ADAM22: variants seen among roughly 807,000 people sequenced by gnomAD.
ADAM22 encodes disintegrin and metalloproteinase domain-containing protein 22.
Under a neutral mutation model 144.6 loss-of-function variants are expected in ADAM22, and 65 were observed. That is an observed-to-expected ratio of 0.45 (90% CI 0.37 to 0.55). ADAM22 has a LOEUF of 0.55. Ranked by LOEUF, ADAM22 falls within the 20% of genes least tolerant of loss-of-function variation. ADAM22 has a pLI of 0.00. For synonymous variants in ADAM22, 391 were observed against 412.6 expected (o/e 0.95, Z 0.63); for missense variants, 974 against 1,184.9 (o/e 0.82, Z 2.61).
In ADAM22 at chr7:88,128,672, T is replaced by G; in HGVS notation, c.749T>G (p.Leu250Arg). The change falls in exon 9 of 32, where the codon CTT becomes CGT. Residue 250 changes from leucine to arginine, a missense_variant. This residue lies in a region of ADAM22 where 734 missense variants were observed against 950.6 expected (regional missense o/e 0.77). Transcript: ENST00000413139. ...GAACTGATGATTGTGAATGATCACC[T>G]TATGGTAGGATTTGCTGTTGTTTTT... Reference protein sequence around the residue: ...YIELMIVNDHLMFKKHRLSVV... With the variant: ...YIELMIVNDHRMFKKHRLSVV... 9 of 1,610,882 alleles carry G rather than the reference T, an allele frequency of 5.6e-6. No homozygotes were observed. Among genetic ancestry groups the G allele is most frequent in the Non-Finnish European group, 7.6e-6 (9 of 1,177,670 alleles).
chr7:88,006,551 C>T (rs1386761333), intron 3 of ADAM22, among the ~76,000 whole-genome samples: 1 of 151,448 alleles, frequency 6.6e-6, no homozygotes, highest in Non-Finnish European at 1.5e-5. Context: ...AGCTTATCCA[C>T]CATGATCAAG....
chr7:88,168,584 T>C (rs912141143), intron 25 of ADAM22, among the ~76,000 whole-genome samples: 3 of 152,172 alleles, frequency 2.0e-5, no homozygotes, highest in Non-Finnish European at 4.4e-5. Context: ...TGTAAACTTA[T>C]TTATCTATCT....
At chr7:87,938,518 C>T (rs970532646) in intron 2 of ADAM22, among the ~76,000 whole-genome samples, 1 of 152,002 alleles carries the variant, frequency 6.6e-6, no homozygotes, top group African/African-American at 2.4e-5. Flanking sequence ...CATGCCTGGC[C>T]ACCCATAGAT....
At chr7:88,175,497 G>A (rs1467037385) in intron 26 of ADAM22, among the ~76,000 whole-genome samples, 1 of 152,092 alleles carries the variant, frequency 6.6e-6, no homozygotes, top group Admixed American at 6.5e-5. Flanking sequence ...AAGACAACAT[G>A]TAATTAATGT....
At chr7:87,959,875 T>C (rs1026454505) in intron 2 of ADAM22, among the ~76,000 whole-genome samples, 1 of 152,232 alleles carries the variant, frequency 6.6e-6, no homozygotes, top group Admixed American at 6.5e-5. Context: ...TTCACTCTTT[T>C]AGAATATACA....
chr7:87,957,023 C>T (rs1846950466), intron 2 of ADAM22, among the ~76,000 whole-genome samples: 1 of 152,184 alleles, frequency 6.6e-6, no homozygotes, highest in Non-Finnish European at 1.5e-5. Context: ...CTATGGTGCA[C>T]TCAAGTGATT....
In ADAM22 at chr7:88,181,566, A is replaced by T. The variant is rs575335162; in HGVS notation, c.2557A>T (p.Ile853Phe). Reference sequence around the variant, plus strand: ...TCCAGACACAAAACATATTTCAGACATCTGTGAAAATGGGCGACCTCGAAG... The same window carrying T: ...TCCAGACACAAAACATATTTCAGACTTCTGTGAAAATGGGCGACCTCGAAG... ...RIPDTKHISD[I>F]CENGRPRSNS... Residue 853 changes from isoleucine (I) to phenylalanine (F), a missense_variant, in exon 28 of 32, where the codon ATC becomes TTC. Ile to Phe is a conservative substitution (Grantham distance 21). This residue lies in a region of ADAM22 where 734 missense variants were observed against 950.6 expected (regional missense o/e 0.77). Coordinates refer to ENST00000413139, the MANE Select transcript of ADAM22 (RefSeq NM_001324418.2). The T allele has an allele frequency of 3.7e-6, 6 of 1,613,876 alleles. No homozygotes were observed. In the East Asian group the frequency reaches 1.1e-4, roughly 30 times the overall value.
Position 88,135,979 on chromosome 7 carries a change from G to A in ADAM22, c.1169-1G>A. The A allele has an allele frequency of 6.2e-7, 1 of 1,609,192 alleles. No homozygotes were observed. Among genetic ancestry groups the A allele is most frequent in the Non-Finnish European group, 8.5e-7 (1 of 1,177,534 alleles). The stretch of plus-strand genomic sequence containing the variant: ...AGGCATGTGTATTAATTTTCTCTTA[G>A]GTGAATGTAAATGCGAGGACACGTG... On this transcript the variant is annotated splice_acceptor_variant, in intron 13 of 31. Transcript: ENST00000413139. LOFTEE classifies it high-confidence loss of function.
At chr7:88,092,717 A>G (rs1444854475) in intron 4 of ADAM22, among the ~76,000 whole-genome samples, 1 of 152,244 alleles carries the variant, frequency 6.6e-6, no homozygotes, top group East Asian at 1.9e-4. Flanking sequence ...TAGGTCCATC[A>G]TCATGTATAA....
rs186242467 is a variant in ADAM22 at position 88,038,704 on chromosome 7, C to T, written c.324-36922C>T. On this transcript the variant is annotated intron_variant, in intron 3 of 31. Transcript: ENST00000413139. ...TCCTGACCTCGTGATCCGCCCGTCT[C>T]GGCCTCCCAAAGTGCTGGGATTACA... is the stretch of plus-strand genomic sequence containing the variant. Among the ~76,000 whole-genome samples the T allele has an allele frequency of 2.3e-3, 342 of 151,828 alleles. 1 individual carries two copies. The highest frequency in any genetic ancestry group is 7.7e-3 in the African/African-American group (320 of 41,456).
At chr7:88,091,008 A>G (rs1819697379) in intron 4 of ADAM22, among the ~76,000 whole-genome samples, 1 of 152,192 alleles carries the variant, frequency 6.6e-6, no homozygotes, top group South Asian at 2.1e-4. Context: ...ACTGAACAAA[A>G]GTTTATCTGG....
At chr7:88,176,620 T>C (rs1453639654) in intron 26 of ADAM22, among the ~76,000 whole-genome samples, 11 of 152,174 alleles carry the variant, frequency 7.2e-5, no homozygotes, top group Non-Finnish European at 7.4e-5. Flanking sequence ...ATCTACATCC[T>C]CAGTGTCAGC....
chr7:88,025,841 G>A (rs1798904741), intron 3 of ADAM22, among the ~76,000 whole-genome samples: 1 of 152,070 alleles, frequency 6.6e-6, no homozygotes, highest in East Asian at 1.9e-4. Flanking sequence ...CATAATTTTG[G>A]CTATTCAGGG....
At position 88,168,130 on chromosome 7, in the gene ADAM22, C is replaced by T. The variant is rs557626812; in HGVS notation, c.2192-7C>T. The T allele has an allele frequency of 6.9e-6, 11 of 1,604,632 alleles. No individual in the cohort carries two copies. Among genetic ancestry groups the T allele is most frequent in the Admixed American group, 1.7e-5 (1 of 58,098 alleles). On this transcript the variant is annotated splice_polypyrimidine_tract_variant and splice_region_variant and intron_variant, in intron 24 of 31. Transcript: ENST00000413139. ...TGATCTTCCTTCTTTCTTTTTTTTC[C>T]TCTCAGGTGTTGCTGGCACCAATAT...
At chr7:88,113,703 A>AATAAAAAAATAAATATATAT (rs1554478726) in intron 5 of ADAM22, among the ~76,000 whole-genome samples, 1 of 48,108 alleles carries the variant, frequency 2.1e-5, no homozygotes, top group Non-Finnish European at 3.8e-5. Context: ...TAAATAAATA[A>AATAAAAAAATAAATATATAT]ATATATATAT....
At chr7:88,124,604 G>A (rs1249618406) in intron 7 of ADAM22, among the ~76,000 whole-genome samples, 1 of 149,906 alleles carries the variant, frequency 6.7e-6, no homozygotes, top group African/African-American at 2.4e-5. Context: ...TGTAATTATT[G>A]ATATGAGATG....
chr7:88,106,672 A>G (rs1228777833), intron 4 of ADAM22, among the ~76,000 whole-genome samples: 2 of 152,188 alleles, frequency 1.3e-5, no homozygotes, highest in East Asian at 3.8e-4. Flanking sequence ...ACAGGATGGA[A>G]AGAGGTCATT....
intron 4 of ADAM22, among the ~76,000 whole-genome samples, chr7:88,082,918 A>T (rs1192725793): frequency 6.6e-6 from 1 of 152,198 alleles, no homozygotes; most frequent in African/African-American, 2.4e-5. Context: ...ACCATTGTGG[A>T]AGTCAGTGTG....
At chr7:87,956,263 C>T (rs1846712807) in intron 2 of ADAM22, among the ~76,000 whole-genome samples, 1 of 152,100 alleles carries the variant, frequency 6.6e-6, no homozygotes, top group Non-Finnish European at 1.5e-5. Context: ...CCTATTTGGC[C>T]ATCTTGGCTC....
Sources: allele counts gnomAD v4.1 joint callset (sites outside exome capture counted in the v4.1 genomes callset), GRCh38; gene constraint gnomAD v4.1.1; regional missense constraint gnomAD v4.1.1; transcripts MANE v1.5; gene names NCBI Gene and HGNC (gene_info 2026-07-23, HGNC 2026-07-21).